Variants in SI observed in about 807,000 individuals in gnomAD.
SI encodes sucrase-isomaltase, intestinal.
A neutral mutation model predicts 253.3 loss-of-function variants in SI; 235 were observed. That is an observed-to-expected ratio of 0.93 (90% CI 0.83 to 1.03). The LOEUF (loss-of-function observed/expected upper bound fraction) is 1.03, where lower values mean the gene tolerates loss of function less well. Ranked by LOEUF, SI falls within the 50% of genes least tolerant of loss-of-function variation. The pLI is 0.00. For missense variants in SI, 2,442 were observed against 2,211.1 expected (o/e 1.10, Z -2.09); for synonymous variants, 819 against 712.0 (o/e 1.15, Z -2.39).
intron 44 of SI, among the ~76,000 whole-genome samples, chr3:164,990,780 G>C (rs1717694617): frequency 6.6e-6 from 1 of 152,072 alleles, no homozygotes; most frequent in East Asian, 1.9e-4. Flanking sequence ...ATAGCATTAG[G>C]AGATATACCT....
intron 7 of SI, 54 bp downstream of exon 7, chr3:165,065,207 T>C (rs1714173967): frequency 8.6e-7 from 1 of 1,156,680 alleles, no homozygotes; most frequent in Non-Finnish European, 1.3e-6. Context: ...TGCTAAGATT[T>C]TCATCTGCTG....
At chr3:165,001,159 T>C (rs1279602974) in intron 37 of SI, among the ~76,000 whole-genome samples, 1 of 151,374 alleles carries the variant, frequency 6.6e-6, no homozygotes, top group African/African-American at 2.4e-5. Context: ...CAATTACTGA[T>C]GAAATCAATT....
intron 38 of SI, among the ~76,000 whole-genome samples, chr3:164,997,519 C>G (rs1030696273): frequency 6.6e-6 from 1 of 150,850 alleles, no homozygotes; most frequent in African/African-American, 2.4e-5. Context: ...TTCAGAAGTA[C>G]ATTTGCAGGT....
At chr3:165,065,642 A>AT (rs1292412654) in intron 6 of SI, among the ~76,000 whole-genome samples, 1 of 150,918 alleles carries the variant, frequency 6.6e-6, no homozygotes, top group Admixed American at 6.7e-5. Flanking sequence ...ATTTTTGCCA[A>AT]TATCTTTCAC....
chr3:165,009,291 A>G lies in SI; in HGVS notation c.4167T>C (p.Asp1389=). 6.2e-7 allele frequency: 1 copy of G among 1,604,306 alleles called. No individual in the cohort carries two copies. Among genetic ancestry groups the G allele is most frequent in the Non-Finnish European group, 8.5e-7 (1 of 1,171,198 alleles). Residue 1389 remains aspartate (D), a synonymous_variant, in exon 35 of 48, where the codon GAT becomes GAC. Transcript: ENST00000264382. The stretch of plus-strand genomic sequence containing the variant: ...AAAGCTTACTTACAATCCACAAACC[A>G]TCAAACTTCATCTTTTCATTGTAAA... ...VDFYNEKMKF[D]GLWIDMNEPS...
chr3:165,025,615 C>T (rs1338627147), intron 25 of SI, among the ~76,000 whole-genome samples: 1 of 150,724 alleles, frequency 6.6e-6, no homozygotes, highest in Admixed American at 6.7e-5. Flanking sequence ...CACTAGCTAA[C>T]CTATAAAAGA....
At chr3:164,986,522 C>T (rs927025967) in intron 45 of SI, among the ~76,000 whole-genome samples, 1 of 152,158 alleles carries the variant, frequency 6.6e-6, no homozygotes, top group Admixed American at 6.5e-5. Context: ...AGCTTATACA[C>T]TTTTTGTCCA....
Position 165,010,351 on chromosome 3 carries a change from G to A in SI, c.4063-956C>T, listed in dbSNP as rs544119564. On this transcript the variant is annotated intron_variant, in intron 34 of 47. Transcript: ENST00000264382. ...ATTTTTTGTATTTTTAGTAGAGACG[G>A]GGTTTCACCATGTTGGTCAGGCTTG... Among the ~76,000 whole-genome samples, 3 of 152,080 alleles carry A rather than the reference G, an allele frequency of 2.0e-5. No individual in the cohort carries two copies. The South Asian group carries it at 6.2e-4, about 32-fold the overall frequency.
intron 40 of SI, among the ~76,000 whole-genome samples, chr3:164,996,112 C>A (rs897769464): frequency 6.6e-6 from 1 of 151,678 alleles, no homozygotes; most frequent in African/African-American, 2.4e-5. Flanking sequence ...TAAAATAAAT[C>A]CTACTCTCTA....
At chr3:165,054,340 A>G (rs1262917254) in intron 13 of SI, among the ~76,000 whole-genome samples, 1 of 152,020 alleles carries the variant, frequency 6.6e-6, no homozygotes, top group African/African-American at 2.4e-5. Flanking sequence ...ACAGATACAC[A>G]ACTTCATTTA....
At chr3:165,044,370 C>A (rs1488858836) in intron 16 of SI, among the ~76,000 whole-genome samples, 2 of 151,892 alleles carry the variant, frequency 1.3e-5, no homozygotes, top group Non-Finnish European at 2.9e-5. Flanking sequence ...TGTTTGTAAC[C>A]ATTTGCAAGC....
At chr3:165,004,420 C>G (rs1718403538) in intron 37 of SI, among the ~76,000 whole-genome samples, 2 of 152,234 alleles carry the variant, frequency 1.3e-5, no homozygotes, top group South Asian at 4.1e-4. Context: ...AATAGAGCTA[C>G]TATATGATTC....
chr3:165,027,491 G>C (rs1711990222), intron 25 of SI, among the ~76,000 whole-genome samples: 1 of 151,024 alleles, frequency 6.6e-6, no homozygotes, highest in South Asian at 2.1e-4. Flanking sequence ...ACCAGGAAAG[G>C]ACATAACCAA....
Position 165,017,827 on chromosome 3 carries a change from T to G in SI, c.3567A>C (p.Gly1189=). 1 of 1,613,086 alleles carries G rather than the reference T, an allele frequency of 6.2e-7. No homozygotes were observed. Among genetic ancestry groups the G allele is most frequent in the Non-Finnish European group, 8.5e-7 (1 of 1,179,358 alleles). The change falls in exon 30 of 48, where the codon GGA becomes GGC. Residue 1189 remains glycine (G), a synonymous_variant. Transcript: ENST00000264382. ...PTPALTYRTV[G]GILDFYMFLG... ...AAAACATATAAAAATCCAAGATCCC[T>G]CCAACTGTACGGTAAGTTAGAGCAG...
At chr3:165,030,134 T>C (rs1712155870) in intron 25 of SI, among the ~76,000 whole-genome samples, 1 of 149,712 alleles carries the variant, frequency 6.7e-6, no homozygotes, top group South Asian at 2.1e-4. Flanking sequence ...CAAAACTCAA[T>C]GATGTAATGA....
intron 37 of SI, among the ~76,000 whole-genome samples, chr3:165,000,344 G>T (rs1024764990): frequency 7.6e-5 from 11 of 145,108 alleles, no homozygotes; most frequent in African/African-American, 2.7e-4. Flanking sequence ...CACACAATGG[G>T]CACAAAGTTA....
rs1234989843 is a variant in SI at position 164,979,101 on chromosome 3, G to A, written c.*261C>T. The A allele has an allele frequency of 5.4e-6, 2 of 368,110 alleles. No individual in the cohort carries two copies. The highest frequency in any genetic ancestry group is 9.9e-6 in the Non-Finnish European group (2 of 201,502). The allele number at this position is 368,110 out of a possible 1,614,324, so 22.8% of individuals were successfully genotyped here. On this transcript the variant is annotated 3_prime_UTR_variant, in exon 48 of 48. Transcript: ENST00000264382. ...TATTTACATACATGTTTAGTAACTA[G>A]TTTACAATTGTAGCTGATACTTAAC... is the stretch of plus-strand genomic sequence containing the variant.
Position 165,017,833 on chromosome 3 carries a change from T to G in SI, c.3561A>C (p.Thr1187=). Residue 1187 remains threonine, a synonymous_variant, in exon 30 of 48, where the codon ACA becomes ACC. Coordinates refer to ENST00000264382, the MANE Select transcript of SI (RefSeq NM_001041.4). ...FQPTPALTYR[T]VGGILDFYMF... ...TATAAAAATCCAAGATCCCTCCAAC[T>G]GTACGGTAAGTTAGAGCAGGAGTTG... is the stretch of plus-strand genomic sequence containing the variant. 6.2e-7 allele frequency: 1 copy of G among 1,613,146 alleles called. No individual in the cohort carries two copies. Among genetic ancestry groups the G allele is most frequent in the Non-Finnish European group, 8.5e-7 (1 of 1,179,386 alleles).
chr3:165,080,056 C>T (rs1241318128), upstream of SI, among the ~76,000 whole-genome samples: 4 of 151,876 alleles, frequency 2.6e-5, no homozygotes, highest in Non-Finnish European at 5.9e-5. Context: ...TTGATAATTT[C>T]CCCAAACTGG....
Sources: allele counts gnomAD v4.1 joint callset (sites outside exome capture counted in the v4.1 genomes callset), GRCh38; gene constraint gnomAD v4.1.1; transcripts MANE v1.5; gene names NCBI Gene and HGNC (gene_info 2026-07-23, HGNC 2026-07-21).